The following PTPRS variants were observed in gnomAD, a reference collection of about 807,000 sequenced individuals.
PTPRS encodes receptor-type tyrosine-protein phosphatase S.
A neutral mutation model predicts 215.3 loss-of-function variants in PTPRS; 63 were observed. The observed-to-expected ratio is 0.29, with a 90% CI of 0.24 to 0.36. The LOEUF is 0.36. PTPRS is among the 10% of genes least tolerant of loss of function. The pLI is 1.00. For synonymous variants in PTPRS, 1,404 were observed against 1,191.4 expected (o/e 1.18, Z -3.68); for missense variants, 2,258 against 2,825.8 (o/e 0.80, Z 4.56).
At chr19:5,319,231 G>A (rs1008518689) in intron 1 of PTPRS, among the ~76,000 whole-genome samples, 8 of 152,026 alleles carry the variant, frequency 5.3e-5, no homozygotes, top group African/African-American at 1.9e-4. Flanking sequence ...GACCAACATG[G>A]CAAAACCCAT....
rs565736355 is a variant in PTPRS, at chr19:5,274,328, G to A, written c.108C>T (p.Ile36=). 7.5e-6 allele frequency: 12 copies of A among 1,605,488 alleles called. 1 individual carries two copies. In the South Asian group the frequency reaches 9.9e-5, roughly 13 times the overall value. Reference sequence around the variant, plus strand: ...CGCCGATCTGGTCCTTGGGTTCTTTGATAAACCTGGGGGGCTCTGGGGATA... The same window carrying A: ...CGCCGATCTGGTCCTTGGGTTCTTTAATAAACCTGGGGGGCTCTGGGGATA... ...GCAAEEPPRF[I]KEPKDQIGVS... Residue 36 remains isoleucine (I), a synonymous_variant, in exon 3 of 38, where the codon ATC becomes ATT. Coordinates refer to ENST00000262963, the MANE Select transcript of PTPRS (RefSeq NM_002850.4).
At chr19:5,289,298 C>T (rs893360446) in intron 1 of PTPRS, among the ~76,000 whole-genome samples, 3 of 152,282 alleles carry the variant, frequency 2.0e-5, no homozygotes, top group South Asian at 4.1e-4. Context: ...CCAACCTGCC[C>T]ACTTCTTACT....
At chr19:5,207,813 A>T in intron 37 of PTPRS, 109 bp downstream of exon 37, 1 of 1,495,582 alleles carries the variant, frequency 6.7e-7, no homozygotes, top group Admixed American at 1.9e-5. Flanking sequence ...ACCCACAGTG[A>T]CCCAGAGAGT....
chr19:5,309,599 T>C (rs905562719), intron 1 of PTPRS, among the ~76,000 whole-genome samples: 2 of 152,098 alleles, frequency 1.3e-5, no homozygotes, highest in Admixed American at 6.5e-5. Flanking sequence ...GTCCTGCTAA[T>C]GGGGGCGTTT....
intron 25 of PTPRS, 118 bp from the exon 26 acceptor site, chr19:5,216,885 C>G (rs895115341): frequency 2.1e-5 from 14 of 655,978 alleles, no homozygotes; most frequent in Non-Finnish European, 3.6e-5. Context: ...ACGCGGACAA[C>G]GGGGGGTATG....
At position 5,293,610 on chromosome 19, in the gene PTPRS, G is replaced by A. The variant is rs1315666744; in HGVS notation, c.-94-7376C>T. ...GAGGAGGCTGGATGCCGGACAGGGC[G>A]GCGGAGGGCTCCCCAAACACACCCA... On this transcript the variant is annotated intron_variant, in intron 1 of 37. Coordinates refer to ENST00000262963, the MANE Select transcript of PTPRS (RefSeq NM_002850.4). The surrounding 1 kb of genome is among the most constrained non-coding windows in gnomAD (Gnocchi z 8.4). Among the ~76,000 whole-genome samples the A allele has an allele frequency of 1.3e-5, 2 of 152,158 alleles. No homozygotes were observed. The highest frequency in any genetic ancestry group is 2.4e-5 in the African/African-American group (1 of 41,454).
intron 12 of PTPRS, among the ~76,000 whole-genome samples, chr19:5,239,773 T>G: frequency 7.1e-6 from 1 of 141,378 alleles, no homozygotes. Context: ...GGCAGAGGGA[T>G]AGAAACACAG....
chr19:5,219,405 G>C lies in PTPRS; in HGVS notation c.3828C>G (p.Ile1276Met), dbSNP rs768318893. ...AGATAAGCCCCTCCTCGCCATCCAC[G>C]ATGGGCTGGGGGTCCGGGTTATCCA... ...FQLDNPDPQPIVDGEEGLIWV... is the reference protein window; with the variant it reads ...FQLDNPDPQPMVDGEEGLIWV... The change falls in exon 23 of 38, where the codon ATC becomes ATG. Residue 1276 changes from isoleucine to methionine, a missense_variant. Physicochemically the swap from Ile to Met is conservative, Grantham distance 10 (BLOSUM62 1). Transcript: ENST00000262963. 2 of 1,613,364 alleles carry C rather than the reference G, an allele frequency of 1.2e-6. No homozygotes were observed. The highest frequency in any genetic ancestry group is 1.7e-6 in the Non-Finnish European group (2 of 1,179,732).
intron 1 of PTPRS, among the ~76,000 whole-genome samples, chr19:5,324,212 G>A (rs2050107406): frequency 9.0e-6 from 1 of 110,800 alleles, no homozygotes; most frequent in Non-Finnish European, 1.7e-5. Flanking sequence ...GGGAGACAGA[G>A]CGAAACCCTG....
At position 5,244,805 on chromosome 19, in the gene PTPRS, GA is replaced by G. The variant is rs2044326828; in HGVS notation, c.989-324del. On this transcript the variant is annotated intron_variant, in intron 10 of 37. Coordinates refer to ENST00000262963, the MANE Select transcript of PTPRS (RefSeq NM_002850.4). The surrounding 1 kb of genome is among the most constrained non-coding windows in gnomAD (Gnocchi z 7.2). ...CTGCCTCAGCCTCCCGAGTAGCTGG[GA>G]CGACAGGCGCCTGCCACCACACTCA... 6.6e-6 allele frequency among the ~76,000 whole-genome samples: 1 copy of G among 151,280 alleles called. No individual in the cohort carries two copies. The highest frequency in any genetic ancestry group is 2.1e-4 in the South Asian group (1 of 4,808).
At chr19:5,224,252 GAGA>G (rs2042273532) in intron 17 of PTPRS, among the ~76,000 whole-genome samples, 1 of 152,180 alleles carries the variant, frequency 6.6e-6, no homozygotes, top group Admixed American at 6.5e-5. Flanking sequence ...AGGGAACCAC[GAGA>G]AGATCTGGGG....
chr19:5,243,919 C>G lies in PTPRS; in HGVS notation c.1552G>C (p.Val518Leu), dbSNP rs749740606. The G allele has an allele frequency of 1.9e-6, 3 of 1,545,566 alleles. No homozygotes were observed. Among genetic ancestry groups the G allele is most frequent in the South Asian group, 1.2e-5 (1 of 83,108 alleles). ...GDGPLSDPIQ[V>L]KTQQGVPGQP... The stretch of plus-strand genomic sequence containing the variant: ...GCCTCACCTCCCTGCTGCGTCTTGA[C>G]CTGGATGGGGTCCGAGAGGGGCCCG... The change falls in exon 11 of 38, where the codon GTC becomes CTC. Residue 518 changes from valine (V) to leucine (L), a missense_variant. Physicochemically the swap from Val to Leu is conservative, Grantham distance 32. This residue lies in a region of PTPRS where 508 missense variants were observed against 799.4 expected (regional missense o/e 0.64). Coordinates refer to ENST00000262963, the MANE Select transcript of PTPRS (RefSeq NM_002850.4).
rs12986221 is a variant in PTPRS, at chr19:5,339,938, C to T, written c.-95+726G>A. The stretch of plus-strand genomic sequence containing the variant: ...TGGGGCTGGGGGCTGAGGCTCGCCC[C>T]TGGGTGGGGAGGCTGGAAGGGGGCG... On this transcript the variant is annotated intron_variant, in intron 1 of 37. Transcript: ENST00000262963. This position sits in a 1 kb window ranked among gnomAD's most constrained non-coding sequence, Gnocchi z 4.2. Among the ~76,000 whole-genome samples the T allele has an allele frequency of 1.3e-5, 2 of 151,870 alleles. No individual in the cohort carries two copies. Among genetic ancestry groups the T allele is most frequent in the African/African-American group, 2.4e-5 (1 of 41,408 alleles).
chr19:5,231,955 T>A (rs1312222651), intron 13 of PTPRS, among the ~76,000 whole-genome samples: 1 of 152,190 alleles, frequency 6.6e-6, no homozygotes, highest in Non-Finnish European at 1.5e-5. Context: ...AGGGAAGCCC[T>A]TCTTACTAGG....
rs1362300860 is a variant in PTPRS at position 5,292,878 on chromosome 19, T to G, written c.-94-6644A>C. 2.0e-5 allele frequency: 3 copies of G among 149,844 alleles called. No homozygotes were observed. The East Asian group carries it at 6.2e-4, about 31-fold the overall frequency. 9.3% of individuals were successfully genotyped at this position (149,844 alleles called of 1,614,324 possible). On this transcript the variant is annotated intron_variant, in intron 1 of 37. Coordinates refer to ENST00000262963, the MANE Select transcript of PTPRS (RefSeq NM_002850.4). ...AGGGGGTGGGGGGAGGAGGTCGGGC[T>G]GGGGGCCAGGCGGGGGAGGGGACCC...
At chr19:5,333,318 AAAT>A (rs1199355230) in intron 1 of PTPRS, among the ~76,000 whole-genome samples, 74 of 99,060 alleles carry the variant, frequency 7.5e-4, no homozygotes, top group Non-Finnish European at 1.1e-3. Flanking sequence ...AAAAAAAAAT[AAAT>A]AAATAATAAT....
In PTPRS at chr19:5,210,461, T is replaced by C; in HGVS notation, c.5487+8A>G. 6.2e-7 allele frequency: 1 copy of C among 1,614,132 alleles called. No individual in the cohort carries two copies. The highest frequency in any genetic ancestry group is 8.5e-7 in the Non-Finnish European group (1 of 1,179,976). On this transcript the variant is annotated splice_region_variant and intron_variant, in intron 35 of 37. Coordinates refer to ENST00000262963, the MANE Select transcript of PTPRS (RefSeq NM_002850.4). This position sits in a 1 kb window ranked among gnomAD's most constrained non-coding sequence, Gnocchi z 4.5. The stretch of plus-strand genomic sequence containing the variant: ...CAGCCCCTCCCGCCAGTCTGTCTCT[T>C]CACTCACCCGGGCATCTGTGACCTT...
chr19:5,290,651 G>A (rs2048737950), intron 1 of PTPRS, among the ~76,000 whole-genome samples: 2 of 152,048 alleles, frequency 1.3e-5, no homozygotes, highest in African/African-American at 4.8e-5. Flanking sequence ...TAGAGTCCAT[G>A]CTGCCCTGTC....
chr19:5,219,227 T>C (rs1169438708), intron 23 of PTPRS, 83 bp downstream of exon 23: 10 of 1,548,604 alleles, frequency 6.5e-6, no homozygotes, highest in Non-Finnish European at 8.9e-6. Flanking sequence ...CCTTTAGTGA[T>C]GATTCTCTGA....
Sources: gnomAD v4.1 joint callset for allele counts (sites outside exome capture counted in the v4.1 genomes callset) on GRCh38, gnomAD v4.1.1 for gene constraint, gnomAD v4.1.1 regional missense constraint, Gnocchi (gnomAD v3.1) non-coding constraint, MANE v1.5 for transcripts, NCBI Gene and HGNC (gene_info 2026-07-23, HGNC 2026-07-21) for gene names.